The following PRKCA variants were observed in gnomAD, a reference collection of about 807,000 sequenced individuals.
The protein encoded by PRKCA is protein kinase C alpha type.
Under a neutral mutation model 87.0 loss-of-function variants are expected in PRKCA, and 27 were observed. The ratio of observed to expected loss-of-function variants is 0.31; its 90% CI spans 0.23 to 0.43. The LOEUF is 0.43. Ranked by LOEUF, PRKCA falls within the 20% of genes least tolerant of loss-of-function variation. The pLI is 1.00. For synonymous variants in PRKCA, 329 were observed against 311.1 expected (o/e 1.06, Z -0.61); for missense variants, 518 against 852.3 (o/e 0.61, Z 4.88).
chr17:66,625,792 T>TTAGAG (rs1281741032), intron 3 of PRKCA, among the ~76,000 whole-genome samples: 1 of 152,206 alleles, frequency 6.6e-6, no homozygotes, highest in African/African-American at 2.4e-5. Flanking sequence ...GTTAATTGAG[T>TTAGAG]TAGAGGCATG....
chr17:66,625,265 T>G (rs1250913077), intron 3 of PRKCA, among the ~76,000 whole-genome samples: 1 of 152,188 alleles, frequency 6.6e-6, no homozygotes, highest in East Asian at 1.9e-4. Context: ...GCATGTAGCA[T>G]AGAAACTGAG....
intron 3 of PRKCA, among the ~76,000 whole-genome samples, chr17:66,607,062 T>C (rs571624275): frequency 1.8e-3 from 273 of 152,354 alleles, no homozygotes; most frequent in African/African-American, 6.3e-3. Flanking sequence ...TTTTAAGTTT[T>C]AAAACATTTT....
chr17:66,305,875 C>A (rs1012253531), intron 1 of PRKCA, among the ~76,000 whole-genome samples: 24 of 152,102 alleles, frequency 1.6e-4, no homozygotes, highest in African/African-American at 5.6e-4. Flanking sequence ...GTTGATACAT[C>A]GAAATAGTTC....
At chr17:66,788,376 A>G (rs183903060) in intron 15 of PRKCA, among the ~76,000 whole-genome samples, 2 of 152,276 alleles carry the variant, frequency 1.3e-5, no homozygotes, top group Admixed American at 1.3e-4. Flanking sequence ...TTTCTAATCT[A>G]TGAGTCTTTG....
chr17:66,732,767 G>T lies in PRKCA; in HGVS notation c.998G>T (p.Arg333Leu), dbSNP rs376086959. The T allele has an allele frequency of 3.7e-6, 6 of 1,614,078 alleles. No homozygotes were observed. The African/African-American group carries it at 5.3e-5, about 14-fold the overall frequency. The change falls in exon 9 of 17, where the codon CGA (arginine) becomes CTA (leucine). Residue 333 changes from arginine (R) to leucine (L), a missense_variant. Arg to Leu is a moderately radical substitution (Grantham distance 102). Around this residue, in one of 5 missense-constraint regions of PRKCA, gnomAD observed 300 missense variants for 496.8 expected, o/e 0.60. Coordinates refer to ENST00000413366, the MANE Select transcript of PRKCA (RefSeq NM_002737.3). ...DRKQPSNNLD[R>L]VKLTDFNFLM... is the part of the protein sequence containing the mutation. ...AAACAACCTTCCAACAACCTTGACC[G>T]AGTGAAACTCACGGACTTCAATTTC... is the stretch of plus-strand genomic sequence containing the variant.
At chr17:66,653,805 AAAAAC>A (rs369188253) in intron 5 of PRKCA, among the ~76,000 whole-genome samples, 1,688 of 72,586 alleles carry the variant, frequency 0.023, 36 homozygotes, top group African/African-American at 0.051. Flanking sequence ...AAAAAAAAAA[AAAAAC>A]AAAACCAACA....
chr17:66,666,983 G>A (rs1308408160), intron 5 of PRKCA, among the ~76,000 whole-genome samples: 4 of 152,192 alleles, frequency 2.6e-5, no homozygotes, highest in Non-Finnish European at 5.9e-5. Flanking sequence ...TTAGGAAGCA[G>A]CTTCTGTTCA....
intron 3 of PRKCA, among the ~76,000 whole-genome samples, chr17:66,587,586 TAGAC>T (rs1013404316): frequency 3.7e-4 from 56 of 151,664 alleles, no homozygotes; most frequent in Middle Eastern, 6.9e-3. Flanking sequence ...TATAGATAGA[TAGAC>T]AGATAGATAG....
intron 16 of PRKCA, chr17:66,796,335 C>A: frequency 1.6e-6 from 1 of 630,922 alleles, no homozygotes; most frequent in Non-Finnish European, 2.0e-6. Flanking sequence ...GTTTCCGCAT[C>A]AGCTCACGTG....
chr17:66,567,214 T>C (rs375603582), intron 3 of PRKCA, among the ~76,000 whole-genome samples: 79 of 152,266 alleles, frequency 5.2e-4, no homozygotes, highest in African/African-American at 1.9e-3. Flanking sequence ...ATAAGGTAAT[T>C]AATTTCTCTA....
At chr17:66,406,567 G>T (rs191245764) in intron 2 of PRKCA, among the ~76,000 whole-genome samples, 1 of 83,220 alleles carries the variant, frequency 1.2e-5, no homozygotes, top group African/African-American at 3.9e-5. Flanking sequence ...GCTTCATGTA[G>T]CATTGTAGCT....
chr17:66,486,479 G>A (rs757803704), intron 2 of PRKCA, among the ~76,000 whole-genome samples: 32 of 152,094 alleles, frequency 2.1e-4, no homozygotes, highest in Non-Finnish European at 3.2e-4. Context: ...GGCTCTGGAA[G>A]GAGTCTTTTA....
intron 13 of PRKCA, among the ~76,000 whole-genome samples, chr17:66,768,400 A>C (rs1974858635): frequency 1.3e-5 from 2 of 151,978 alleles, no homozygotes; most frequent in African/African-American, 4.8e-5. Context: ...ATTCATTTTT[A>C]AGTTTGCTTT....
chr17:66,496,969 A>G (rs540916100), intron 3 of PRKCA, among the ~76,000 whole-genome samples: 10 of 152,328 alleles, frequency 6.6e-5, no homozygotes, highest in African/African-American at 2.2e-4. Context: ...CTAAGCTGAA[A>G]TAAACCAATA....
At chr17:66,603,428 A>G (rs921426140) in intron 3 of PRKCA, among the ~76,000 whole-genome samples, 1 of 152,208 alleles carries the variant, frequency 6.6e-6, no homozygotes, top group East Asian at 1.9e-4. Flanking sequence ...AGAATTTTCA[A>G]AACGGGTCCT....
chr17:66,662,506 C>T (rs1450898781), intron 5 of PRKCA, among the ~76,000 whole-genome samples: 3 of 152,124 alleles, frequency 2.0e-5, no homozygotes, highest in Admixed American at 6.5e-5. Flanking sequence ...CCAAGATACT[C>T]GGCCCCCAGT....
chr17:66,385,280 G>A (rs572704545), intron 2 of PRKCA, among the ~76,000 whole-genome samples: 99 of 152,318 alleles, frequency 6.5e-4, no homozygotes, highest in Middle Eastern at 3.4e-3. Flanking sequence ...ATTGAATCAA[G>A]TATTTAAATT....
intron 2 of PRKCA, among the ~76,000 whole-genome samples, chr17:66,311,556 G>C (rs1905088227): frequency 6.6e-6 from 1 of 152,194 alleles, no homozygotes; most frequent in South Asian, 2.1e-4. Context: ...GGTCGAGGAT[G>C]CAATGAGGTG....
intron 3 of PRKCA, among the ~76,000 whole-genome samples, chr17:66,578,291 T>C (rs1969304956): frequency 6.6e-6 from 1 of 152,190 alleles, no homozygotes; most frequent in Non-Finnish European, 1.5e-5. Context: ...CGGTCCAGGC[T>C]TCCGCACATG....
Sources: gnomAD v4.1 joint callset for allele counts (sites outside exome capture counted in the v4.1 genomes callset) on GRCh38, gnomAD v4.1.1 for gene constraint, gnomAD v4.1.1 regional missense constraint, MANE v1.5 for transcripts, NCBI Gene and HGNC (gene_info 2026-07-23, HGNC 2026-07-21) for gene names.